Variants in MRPS28 observed in about 807,000 individuals in gnomAD.
The protein encoded by MRPS28 is mitochondrial ribosomal protein S28, also known as small ribosomal subunit protein bS1m.
Under a neutral mutation model 10.8 loss-of-function variants are expected in MRPS28, and 7 were observed. That is an observed-to-expected ratio of 0.65 (90% CI 0.37 to 1.22). MRPS28 has a LOEUF of 1.22. Ranked by LOEUF, MRPS28 falls within the 50% of genes most tolerant of loss-of-function variation. The probability of loss-of-function intolerance (pLI) is 0.02; values close to 1 mark genes in which losing one functional copy is unlikely to be tolerated. For missense variants in MRPS28, 265 were observed against 232.9 expected (o/e 1.14, Z -0.90); for synonymous variants, 121 against 93.3 (o/e 1.30, Z -1.71).
chr8:80,001,172 T>C (rs1422464841), intron 2 of MRPS28, among the ~76,000 whole-genome samples: 1 of 152,244 alleles, frequency 6.6e-6, no homozygotes, highest in Non-Finnish European at 1.5e-5. Context: ...TTAGGTCAGC[T>C]TGTAAGAATA....
At chr8:79,977,815 AAATAAT>A (rs147911236) in intron 2 of MRPS28, among the ~76,000 whole-genome samples, 5,577 of 150,552 alleles carry the variant, frequency 0.037, 274 homozygotes, top group African/African-American at 0.11. Context: ...AGACTGTCTC[AAATAAT>A]AATAATAATA....
At chr8:79,983,370 T>C (rs1332453852) in intron 2 of MRPS28, among the ~76,000 whole-genome samples, 1 of 152,006 alleles carries the variant, frequency 6.6e-6, no homozygotes, top group African/African-American at 2.4e-5. Context: ...AGAGCGCCTC[T>C]CCTCCTCCAA....
At chr8:80,018,373 C>T (rs1332914065) in intron 1 of MRPS28, among the ~76,000 whole-genome samples, 3 of 150,574 alleles carry the variant, frequency 2.0e-5, no homozygotes, top group Admixed American at 2.0e-4. Flanking sequence ...GGCAAACAGG[C>T]TTATGAAAAA....
chr8:80,012,500 A>AT (rs2130199825), intron 1 of MRPS28, among the ~76,000 whole-genome samples: 1 of 152,332 alleles, frequency 6.6e-6, no homozygotes, highest in African/African-American at 2.4e-5. Flanking sequence ...TCTCATGCTG[A>AT]TATAGACTGC....
chr8:80,027,195 T>A (rs187837412), intron 1 of MRPS28, among the ~76,000 whole-genome samples: 14 of 152,330 alleles, frequency 9.2e-5, no homozygotes, highest in Admixed American at 9.2e-4. Context: ...AAGAAACGGC[T>A]GGGGCCACAT....
Position 79,919,031 on chromosome 8 carries a change from TC to T in MRPS28, c.512del (p.Gly171GlufsTer19). 6.3e-7 allele frequency: 1 copy of T among 1,593,642 alleles called. No homozygotes were observed. ...TVLEANAVLL[G>X]IQESKDSRSK... ...ATCTTGAGTCTTTACTCTCCTGGAT[TC>T]CCAAGAGAACTGCATTAGCCTCTAG... On this transcript the variant is annotated frameshift_variant, in exon 3 of 3. Transcript: ENST00000276585. LOFTEE classifies it high-confidence loss of function.
At chr8:79,945,439 T>C (rs1806887805) in intron 2 of MRPS28, among the ~76,000 whole-genome samples, 1 of 152,154 alleles carries the variant, frequency 6.6e-6, no homozygotes, top group African/African-American at 2.4e-5. Context: ...CAAATCACAT[T>C]GGGAAAACTG....
chr8:80,004,336 G>A (rs1434642372), intron 1 of MRPS28, among the ~76,000 whole-genome samples: 1 of 152,182 alleles, frequency 6.6e-6, no homozygotes. Context: ...ATCAGTATTC[G>A]CTGTTCCGCA....
chr8:79,966,817 T>A (rs1807514134), intron 2 of MRPS28, among the ~76,000 whole-genome samples: 1 of 152,168 alleles, frequency 6.6e-6, no homozygotes, highest in African/African-American at 2.4e-5. Flanking sequence ...AAGTGACCAG[T>A]ATTTTTTCAT....
At chr8:79,989,408 T>C (rs551800913) in intron 2 of MRPS28, among the ~76,000 whole-genome samples, 27 of 152,160 alleles carry the variant, frequency 1.8e-4, no homozygotes, top group African/African-American at 2.9e-4. Flanking sequence ...TCTAAGGACA[T>C]AGAAGCAAAG....
chr8:79,940,572 C>CT (rs1311304598), intron 2 of MRPS28, among the ~76,000 whole-genome samples: 2 of 152,212 alleles, frequency 1.3e-5, no homozygotes, highest in African/African-American at 4.8e-5. Flanking sequence ...ACAGCAGAAT[C>CT]TTTCTTTTTT....
At chr8:80,013,894 A>T (rs1809127464) in intron 1 of MRPS28, among the ~76,000 whole-genome samples, 2 of 152,162 alleles carry the variant, frequency 1.3e-5, no homozygotes, top group African/African-American at 4.8e-5. Flanking sequence ...TAAGGTACTT[A>T]CATTTATCTC....
chr8:79,923,868 T>C (rs1214734193), intron 2 of MRPS28, among the ~76,000 whole-genome samples: 1 of 152,174 alleles, frequency 6.6e-6, no homozygotes, highest in African/African-American at 2.4e-5. Flanking sequence ...AAAGGGCAAT[T>C]AAATCTGGTT....
intron 2 of MRPS28, among the ~76,000 whole-genome samples, chr8:79,949,578 C>T (rs1343932525): frequency 3.3e-5 from 5 of 152,160 alleles, no homozygotes; most frequent in African/African-American, 1.2e-4. Context: ...CAAGAACTTG[C>T]ATTCTACCTT....
chr8:79,920,124 C>T (rs550981485), intron 2 of MRPS28, among the ~76,000 whole-genome samples: 135 of 152,074 alleles, frequency 8.9e-4, no homozygotes, highest in African/African-American at 3.2e-3. Context: ...ATGAACTCAT[C>T]GTTTTTTATG....
chr8:79,983,855 A>G (rs1287369943), intron 2 of MRPS28, among the ~76,000 whole-genome samples: 1 of 152,242 alleles, frequency 6.6e-6, no homozygotes, highest in Non-Finnish European at 1.5e-5. Context: ...ACTCTGCAGG[A>G]TATTATTCAG....
intron 1 of MRPS28, chr8:80,029,762 T>C (rs10957952): frequency 0.069 from 102,785 of 1,489,172 alleles, 17,866 homozygotes; most frequent in African/African-American, 0.67. Context: ...GCTGGTTACC[T>C]TCCCACCAGC....
chr8:79,953,207 C>T (rs903926452), intron 2 of MRPS28, among the ~76,000 whole-genome samples: 1 of 152,150 alleles, frequency 6.6e-6, no homozygotes, highest in East Asian at 1.9e-4. Flanking sequence ...AAATACAATG[C>T]CACTCCAGTT....
At chr8:79,948,733 CT>C (rs1332010829) in intron 2 of MRPS28, among the ~76,000 whole-genome samples, 2 of 151,728 alleles carry the variant, frequency 1.3e-5, no homozygotes, top group African/African-American at 4.8e-5. Context: ...TATGGATTTT[CT>C]TTTTTTTATA....
Sources: allele counts gnomAD v4.1 joint callset (sites outside exome capture counted in the v4.1 genomes callset), GRCh38; gene constraint gnomAD v4.1.1; transcripts MANE v1.5; gene names NCBI Gene and HGNC (gene_info 2026-07-23, HGNC 2026-07-21).